The following SNTG2 variants were observed in gnomAD, a reference collection of about 807,000 sequenced individuals.
The protein encoded by SNTG2 is syntrophin gamma 2, also known as gamma-2-syntrophin.
A neutral mutation model predicts 70.9 loss-of-function variants in SNTG2; 74 were observed. The ratio of observed to expected loss-of-function variants is 1.04; its 90% CI spans 0.86 to 1.27. SNTG2 has a LOEUF of 1.27. Among genes scored for constraint, SNTG2 ranks in the 50% most tolerant of loss-of-function variants. SNTG2 has a pLI of 0.00. For missense variants in SNTG2, 717 were observed against 690.7 expected, an observed-to-expected ratio of 1.04 and a Z score of -0.43; for synonymous variants, 278 against 273.8, an observed-to-expected ratio of 1.02 and a Z score of -0.15.
intron 9 of SNTG2, among the ~76,000 whole-genome samples, chr2:1,211,248 C>T (rs1451674415): frequency 6.6e-6 from 1 of 152,210 alleles, no homozygotes; most frequent in African/African-American, 2.4e-5. Flanking sequence ...GGGCATGTAT[C>T]TCTCTTGACA....
intron 8 of SNTG2, among the ~76,000 whole-genome samples, chr2:1,180,927 A>C (rs1214077008): frequency 1.3e-5 from 2 of 152,194 alleles, no homozygotes; most frequent in South Asian, 2.1e-4. Context: ...AGGGACATGG[A>C]TGAAATTGGA....
At position 1,317,275 on chromosome 2, in the gene SNTG2, G is replaced by C. The variant is rs77510566; in HGVS notation, c.1488+900G>C. On this transcript the variant is annotated intron_variant, in intron 16 of 16. Transcript: ENST00000308624. Reference sequence around the variant, plus strand: ...GGATTCTGGAGCATTTAGCATCAGGGCAGCATTGGAGAAGGTTGGGATTCT... The same window carrying C: ...GGATTCTGGAGCATTTAGCATCAGGCCAGCATTGGAGAAGGTTGGGATTCT... Among the ~76,000 whole-genome samples the C allele has an allele frequency of 2.2e-3, 78 of 36,032 alleles. 1 individual carries two copies. Among genetic ancestry groups the C allele is most frequent in the Admixed American group, 3.7e-3 (12 of 3,266 alleles). The allele number at this position is 36,032 out of a possible 152,430, so 23.6% of individuals were successfully genotyped here.
chr2:954,113 C>T (rs911792199), intron 1 of SNTG2, among the ~76,000 whole-genome samples: 2 of 152,134 alleles, frequency 1.3e-5, no homozygotes, highest in Non-Finnish European at 2.9e-5. Flanking sequence ...ACACGAGGGA[C>T]CCCAAAGAGG....
At chr2:1,214,557 G>T (rs1205464507) in intron 9 of SNTG2, among the ~76,000 whole-genome samples, 1 of 151,970 alleles carries the variant, frequency 6.6e-6, no homozygotes, top group East Asian at 1.9e-4. Flanking sequence ...CATTGTTAGT[G>T]AACAAAATAC....
intron 1 of SNTG2, among the ~76,000 whole-genome samples, chr2:964,399 A>G (rs866772309): frequency 3.3e-5 from 5 of 152,068 alleles, no homozygotes; most frequent in Non-Finnish European, 5.9e-5. Flanking sequence ...TGCCTTTAGG[A>G]TTTTTGCAGG....
intron 1 of SNTG2, among the ~76,000 whole-genome samples, chr2:1,044,500 C>T (rs919611485): frequency 4.6e-5 from 7 of 152,122 alleles, no homozygotes; most frequent in African/African-American, 1.7e-4. Context: ...GGTTTTTGCT[C>T]ATTCAGTGTG....
At chr2:1,183,276 G>C (rs980933705) in intron 8 of SNTG2, among the ~76,000 whole-genome samples, 2 of 152,158 alleles carry the variant, frequency 1.3e-5, no homozygotes, top group African/African-American at 4.8e-5. Context: ...GGAGTTTTCT[G>C]ATTGGGGCCT....
chr2:1,224,049 C>T (rs771583299), intron 9 of SNTG2, among the ~76,000 whole-genome samples: 1 of 152,200 alleles, frequency 6.6e-6, no homozygotes, highest in Non-Finnish European at 1.5e-5. Context: ...GCAGATGGCA[C>T]CTTCTCTCTG....
chr2:1,124,318 A>G (rs114339677), intron 4 of SNTG2, among the ~76,000 whole-genome samples: 68,080 of 147,224 alleles, frequency 0.46, 16,823 homozygotes, highest in East Asian at 0.65. Flanking sequence ...TTTCTCAGAC[A>G]GAGGCTTGCT....
chr2:979,716 A>C (rs1485720897), intron 1 of SNTG2, among the ~76,000 whole-genome samples: 1 of 152,140 alleles, frequency 6.6e-6, no homozygotes, highest in Non-Finnish European at 1.5e-5. Context: ...AATCAGCCCT[A>C]CTTATGCAAA....
At chr2:1,241,165 C>T (rs960027515) in intron 11 of SNTG2, among the ~76,000 whole-genome samples, 3 of 152,200 alleles carry the variant, frequency 2.0e-5, no homozygotes, top group Non-Finnish European at 4.4e-5. Context: ...TGAGACTCTT[C>T]CGAGATCTTA....
rs554524997 is a variant in SNTG2, at chr2:1,019,912, G to A, written c.73-63606G>A. 4.1e-3 allele frequency among the ~76,000 whole-genome samples: 626 copies of A among 152,156 alleles called. 3 individuals carry two copies. The highest frequency in any genetic ancestry group is 0.013 in the African/African-American group (557 of 41,528). ...AGAAAAATTAGCCGGGTGTGGTGGCGGGCACCTGTAATCCCAGCTACTTGG... is the reference window on the plus strand; with the variant it reads ...AGAAAAATTAGCCGGGTGTGGTGGCAGGCACCTGTAATCCCAGCTACTTGG... On this transcript the variant is annotated intron_variant, in intron 1 of 16. Coordinates refer to ENST00000308624, the MANE Select transcript of SNTG2 (RefSeq NM_018968.4).
chr2:1,047,250 G>A (rs1373641227), intron 1 of SNTG2, among the ~76,000 whole-genome samples: 2 of 152,148 alleles, frequency 1.3e-5, no homozygotes, highest in African/African-American at 4.8e-5. Context: ...CTCTTGGATA[G>A]TTTTACTGGA....
intron 6 of SNTG2, among the ~76,000 whole-genome samples, chr2:1,138,384 G>A (rs1668533547): frequency 6.6e-6 from 1 of 152,196 alleles, no homozygotes; most frequent in Non-Finnish European, 1.5e-5. Context: ...TTAGGCGGAT[G>A]AAACAGACGT....
intron 6 of SNTG2, among the ~76,000 whole-genome samples, chr2:1,143,062 G>A (rs984164305): frequency 6.6e-6 from 1 of 152,162 alleles, no homozygotes; most frequent in Non-Finnish European, 1.5e-5. Context: ...GGACCTCTGG[G>A]CAACAGTGAC....
chr2:1,114,553 TCTA>T (rs1300200272), intron 4 of SNTG2, among the ~76,000 whole-genome samples: 1 of 148,820 alleles, frequency 6.7e-6, no homozygotes, highest in Non-Finnish European at 1.5e-5. Context: ...AAGGATCTTC[TCTA>T]CTAAGTGAGG....
chr2:1,167,018 C>G (rs1424898055), intron 7 of SNTG2, among the ~76,000 whole-genome samples: 2 of 152,246 alleles, frequency 1.3e-5, no homozygotes, highest in Non-Finnish European at 2.9e-5. Flanking sequence ...GCCAACCCTC[C>G]AAGCTCACGT....
Position 1,141,479 on chromosome 2 carries a change from A to G in SNTG2, c.411+3670A>G, listed in dbSNP as rs920527556. 7.9e-5 allele frequency among the ~76,000 whole-genome samples: 12 copies of G among 152,358 alleles called. 1 individual carries two copies. Among genetic ancestry groups the G allele is most frequent in the African/African-American group, 2.6e-4 (11 of 41,592 alleles). On this transcript the variant is annotated intron_variant, in intron 6 of 16. Coordinates refer to ENST00000308624, the MANE Select transcript of SNTG2 (RefSeq NM_018968.4). ...ACGTTTTTGATTTGCTCTGGGATAC[A>G]GAACACATCTGGGACAATAGCTGGA...
intron 4 of SNTG2, among the ~76,000 whole-genome samples, chr2:1,119,036 A>G (rs1205975785): frequency 6.6e-6 from 1 of 152,228 alleles, no homozygotes; most frequent in Non-Finnish European, 1.5e-5. Flanking sequence ...CAAAAGTGTC[A>G]AGTTGCATAT....
Sources: allele counts gnomAD v4.1 joint callset (sites outside exome capture counted in the v4.1 genomes callset), GRCh38; gene constraint gnomAD v4.1.1; transcripts MANE v1.5; gene names NCBI Gene and HGNC (gene_info 2026-07-23, HGNC 2026-07-21).